OSBPL10: variants seen among roughly 807,000 people sequenced by gnomAD.
OSBPL10 encodes oxysterol binding protein like 10, also known as oxysterol-binding protein-related protein 10.
Under a neutral mutation model 81.7 loss-of-function variants are expected in OSBPL10, and 49 were observed. The observed-to-expected ratio is 0.60, with a 90% CI of 0.48 to 0.76. The LOEUF is 0.76. OSBPL10 is among the 30% of genes least tolerant of loss of function. The pLI, the probability that OSBPL10 is intolerant of heterozygous loss-of-function variation, is 0.00. For missense variants in OSBPL10, 923 were observed against 987.8 expected (o/e 0.93, Z 0.88); for synonymous variants, 419 against 383.6 (o/e 1.09, Z -1.08).
chr3:31,881,097 T>C (rs766895474), intron 1 of OSBPL10, among the ~76,000 whole-genome samples: 4 of 152,228 alleles, frequency 2.6e-5, no homozygotes, highest in Non-Finnish European at 5.9e-5. Context: ...TATTCTTTCT[T>C]GCAGCACTTT....
intron 1 of OSBPL10, among the ~76,000 whole-genome samples, chr3:31,920,678 A>G (rs1025805439): frequency 8.5e-5 from 13 of 152,134 alleles, no homozygotes; most frequent in Admixed American, 2.0e-4. Flanking sequence ...AAAATGTTGG[A>G]AGTGGGGCCT....
chr3:31,857,718 A>G (rs1700947413), intron 3 of OSBPL10, among the ~76,000 whole-genome samples: 1 of 129,802 alleles, frequency 7.7e-6, no homozygotes, highest in Non-Finnish European at 1.6e-5. Flanking sequence ...TTGTTCCCCT[A>G]ACAGCACCCC....
chr3:32,008,560 G>A (rs1457081580), intron 2 of OSBPL10, among the ~76,000 whole-genome samples: 11 of 137,602 alleles, frequency 8.0e-5, no homozygotes, highest in Admixed American at 1.5e-4. Flanking sequence ...GCCAAACCCC[G>A]TTTCTACAAA....
At chr3:31,795,985 G>A (rs1398530956) in intron 4 of OSBPL10, 2 of 213,364 alleles carry the variant, frequency 9.4e-6, no homozygotes, top group Non-Finnish European at 1.1e-5. Flanking sequence ...TGCACTTCGT[G>A]TTCATACAAG....
intron 6 of OSBPL10, among the ~76,000 whole-genome samples, chr3:31,729,854 G>A (rs532988420): frequency 2.0e-4 from 31 of 152,220 alleles, no homozygotes; most frequent in Non-Finnish European, 3.5e-4. Context: ...TCTAAGTGTG[G>A]CCACCACAAC....
At chr3:31,706,775 T>C (rs1247359768) in intron 6 of OSBPL10, among the ~76,000 whole-genome samples, 5 of 152,244 alleles carry the variant, frequency 3.3e-5, no homozygotes, top group African/African-American at 4.8e-5. Context: ...TACATATATG[T>C]AATGTAACTA....
At position 31,842,130 on chromosome 3, in the gene OSBPL10, A is replaced by C. The variant is rs76300382; in HGVS notation, c.538-11899T>G. Among the ~76,000 whole-genome samples, 1,265 of 152,332 alleles carry C rather than the reference A, an allele frequency of 8.3e-3. 18 individuals are homozygous for C. Among genetic ancestry groups the C allele is most frequent in the African/African-American group, 0.028 (1,171 of 41,580 alleles). ...CCTACGCTTGATGAATGGGCCTTGG[A>C]ACTTTAGAGCTAAAGACTGGTGGGT... On this transcript the variant is annotated intron_variant, in intron 3 of 11. Coordinates refer to ENST00000396556, the MANE Select transcript of OSBPL10 (RefSeq NM_017784.5).
chr3:31,927,490 C>G (rs1212378102), intron 1 of OSBPL10, among the ~76,000 whole-genome samples: 1 of 152,224 alleles, frequency 6.6e-6, no homozygotes, highest in African/African-American at 2.4e-5. Context: ...TCACACACTT[C>G]TCTGTCTTCG....
At chr3:31,971,285 C>T (rs1011428929) in intron 1 of OSBPL10, among the ~76,000 whole-genome samples, 2 of 151,934 alleles carry the variant, frequency 1.3e-5, no homozygotes, top group Non-Finnish European at 2.9e-5. Context: ...GGATTACGGG[C>T]GCATGCCACC....
rs1411823853 is a variant in OSBPL10 at position 31,980,837 on chromosome 3, G to GCACACACATACACA, written c.281+61_281+62insTGTGTATGTGTGTG. 2.1e-6 allele frequency: 3 copies of GCACACACATACACA among 1,408,548 alleles called. No individual in the cohort carries two copies. The East Asian group carries it at 9.0e-5, about 42-fold the overall frequency. 87.3% of individuals were successfully genotyped at this position (1,408,548 alleles called of 1,614,324 possible). A position where few individuals can be genotyped will look rare whatever the true frequency, so the allele number is the denominator to read the frequency against. On this transcript the variant is annotated intron_variant, in intron 1 of 11. Transcript: ENST00000396556. ...CATACACAGACACACATACACACAC[G>GCACACACATACACA]CACGCACACACACACACACACACAC...
intron 6 of OSBPL10, among the ~76,000 whole-genome samples, chr3:31,728,524 C>T (rs996367531): frequency 5.9e-5 from 9 of 152,206 alleles, no homozygotes; most frequent in Admixed American, 6.5e-5. Flanking sequence ...TGCTCTTCAA[C>T]TAGTAAACGG....
intron 1 of OSBPL10, among the ~76,000 whole-genome samples, chr3:31,910,572 GT>G (rs1043173547): frequency 1.3e-5 from 2 of 151,960 alleles, no homozygotes; most frequent in African/African-American, 4.8e-5. Context: ...GGAGGTGGAG[GT>G]TGCAGTGAGC....
At chr3:32,056,701 G>C (rs866426550) in intron 1 of OSBPL10, among the ~76,000 whole-genome samples, 1 of 152,134 alleles carries the variant, frequency 6.6e-6, no homozygotes, top group East Asian at 1.9e-4. Context: ...ATGGACCTTC[G>C]TCCCTCTGCA....
intron 8 of OSBPL10, among the ~76,000 whole-genome samples, chr3:31,677,678 T>C (rs1029059986): frequency 6.6e-6 from 1 of 152,132 alleles, no homozygotes; most frequent in Non-Finnish European, 1.5e-5. Context: ...GTAAAGTGAA[T>C]CAAGGGCTCC....
At chr3:31,860,871 GTTTT>G (rs71628582) in intron 3 of OSBPL10, among the ~76,000 whole-genome samples, 1 of 136,522 alleles carries the variant, frequency 7.3e-6, no homozygotes, top group Non-Finnish European at 1.5e-5. Flanking sequence ...TTTTTTTTGG[GTTTT>G]TTTTTTTGTA....
intron 4 of OSBPL10, among the ~76,000 whole-genome samples, chr3:31,769,317 C>A (rs1218178174): frequency 6.6e-6 from 1 of 151,018 alleles, no homozygotes; most frequent in African/African-American, 2.4e-5. Context: ...TGGTGGTGCA[C>A]ACCTGTAATC....
intron 4 of OSBPL10, among the ~76,000 whole-genome samples, chr3:31,776,077 AC>A (rs1559460033): frequency 6.6e-6 from 1 of 152,132 alleles, no homozygotes; most frequent in African/African-American, 2.4e-5. Flanking sequence ...GATGGCTGCC[AC>A]CTTCTGATTA....
intron 4 of OSBPL10, among the ~76,000 whole-genome samples, chr3:31,751,166 AAAC>A (rs575796995): frequency 8.2e-4 from 125 of 152,058 alleles, no homozygotes; most frequent in African/African-American, 2.9e-3. Flanking sequence ...AAAAACAAAC[AAAC>A]AACAACAACA....
intron 1 of OSBPL10, among the ~76,000 whole-genome samples, chr3:31,979,814 G>C (rs1040008788): frequency 6.6e-6 from 1 of 151,752 alleles, no homozygotes; most frequent in Non-Finnish European, 1.5e-5. Context: ...AGTGCCTCCT[G>C]AGCCCCTTTC....
Sources: allele counts gnomAD v4.1 joint callset (sites outside exome capture counted in the v4.1 genomes callset), GRCh38; gene constraint gnomAD v4.1.1; transcripts MANE v1.5; gene names NCBI Gene and HGNC (gene_info 2026-07-23, HGNC 2026-07-21).